TRIQK: variants seen among roughly 807,000 people sequenced by gnomAD.
The protein encoded by TRIQK is triple QxxK/R motif-containing protein.
In TRIQK, 10 loss-of-function variants were observed where a neutral mutation model predicts 10.8. The ratio of observed to expected loss-of-function variants is 0.92; its 90% CI spans 0.57 to 1.57. The LOEUF (loss-of-function observed/expected upper bound fraction) is 1.57, where lower values mean the gene tolerates loss of function less well. Among genes scored for constraint, TRIQK ranks in the 40% most tolerant of loss-of-function variants. The probability of loss-of-function intolerance (pLI) is 0.00; values close to 1 mark genes in which losing one functional copy is unlikely to be tolerated. For missense variants in TRIQK, 107 were observed against 97.7 expected (o/e 1.09, Z -0.40); for synonymous variants, 33 against 33.7 (o/e 0.98, Z 0.07).
chr8:93,009,150 C>G (rs952917765), intron 1 of TRIQK, among the ~76,000 whole-genome samples: 1 of 152,136 alleles, frequency 6.6e-6, no homozygotes, highest in African/African-American at 2.4e-5. Context: ...AACAAATAAT[C>G]TAATTTTAAA....
chr8:93,015,101 C>T (rs947870183), intron 1 of TRIQK, among the ~76,000 whole-genome samples: 9 of 151,576 alleles, frequency 5.9e-5, no homozygotes, highest in Admixed American at 3.9e-4. Context: ...AAAATGTATC[C>T]GGCAATAACA....
chr8:93,011,833 A>G (rs1042021513), intron 1 of TRIQK, among the ~76,000 whole-genome samples: 6 of 152,184 alleles, frequency 3.9e-5, no homozygotes, highest in Admixed American at 3.9e-4. Flanking sequence ...ACCTGATCCA[A>G]GTAAAACAAC....
intron 1 of TRIQK, among the ~76,000 whole-genome samples, chr8:92,987,152 G>C (rs1288389924): frequency 2.0e-5 from 3 of 152,108 alleles, no homozygotes; most frequent in Admixed American, 6.6e-5. Flanking sequence ...ACTAATTAAA[G>C]TGTTTTCTTT....
In TRIQK at chr8:93,007,035, C is replaced by G. The variant is rs906483265; in HGVS notation, c.-181+10574G>C. ...GCTTCATTAAGTGGGTGCCTGATCC[C>G]GTACCTCCTGACTGGGTGAGACCCC... On this transcript the variant is annotated intron_variant, in intron 1 of 4. Coordinates refer to the TRIQK transcript ENST00000520686. Among the ~76,000 whole-genome samples the G allele has an allele frequency of 3.9e-5, 6 of 152,296 alleles. 1 individual carries two copies. The South Asian group carries it at 1.2e-3, about 32-fold the overall frequency.
intron 1 of TRIQK, chr8:92,974,632 A>G (rs1417680234): frequency 6.6e-6 from 1 of 152,242 alleles, no homozygotes; most frequent in Non-Finnish European, 1.5e-5. Flanking sequence ...TAAGGTAGAA[A>G]AGTTGAAGGA....
intron 2 of TRIQK, among the ~76,000 whole-genome samples, chr8:92,924,463 A>T (rs1394176549): frequency 2.6e-5 from 4 of 151,946 alleles, no homozygotes; most frequent in Admixed American, 1.3e-4. Flanking sequence ...GTTTCCAGGA[A>T]TTTACTATGT....
Position 92,885,269 on chromosome 8 carries a change from T to A in TRIQK, c.*1353A>T. ...TGCAAAAGTACCAGAGAATATCTTT[T>A]AGAAACAGTGCTTATAAAGCCCCAT... On this transcript the variant is annotated 3_prime_UTR_variant, in exon 5 of 5. Transcript: ENST00000521988. 1 of 314,346 alleles carries A rather than the reference T, an allele frequency of 3.2e-6. No homozygotes were observed. Among genetic ancestry groups the A allele is most frequent in the South Asian group, 2.9e-5 (1 of 35,084 alleles). 19.5% of individuals were successfully genotyped at this position (314,346 alleles called of 1,614,324 possible).
At chr8:92,910,233 G>A (rs1288989341) in intron 3 of TRIQK, among the ~76,000 whole-genome samples, 1 of 151,196 alleles carries the variant, frequency 6.6e-6, no homozygotes, top group African/African-American at 2.4e-5. Flanking sequence ...ATAGGAGAAA[G>A]TAATCACATT....
chr8:92,987,896 A>G (rs1813053004), intron 1 of TRIQK, among the ~76,000 whole-genome samples: 1 of 151,996 alleles, frequency 6.6e-6, no homozygotes, highest in Non-Finnish European at 1.5e-5. Context: ...AAATACGCAT[A>G]TAGATACAAA....
At chr8:93,010,998 G>A (rs1813326208) in intron 1 of TRIQK, among the ~76,000 whole-genome samples, 1 of 152,052 alleles carries the variant, frequency 6.6e-6, no homozygotes, top group Admixed American at 6.6e-5. Context: ...GCACTTTGAA[G>A]CATGTCAGCT....
intron 2 of TRIQK, among the ~76,000 whole-genome samples, chr8:92,935,610 A>C (rs1461768666): frequency 6.6e-6 from 1 of 151,624 alleles, no homozygotes; most frequent in Non-Finnish European, 1.5e-5. Flanking sequence ...AAAAGCAATA[A>C]ATAATTAAAT....
intron 1 of TRIQK, among the ~76,000 whole-genome samples, chr8:93,010,347 A>C (rs1397300565): frequency 6.6e-6 from 1 of 152,162 alleles, no homozygotes; most frequent in African/African-American, 2.4e-5. Context: ...CAATGTATCT[A>C]TGTATTGAAA....
chr8:92,964,261 G>A (rs973546737), intron 1 of TRIQK, among the ~76,000 whole-genome samples: 1 of 151,906 alleles, frequency 6.6e-6, no homozygotes, highest in Non-Finnish European at 1.5e-5. Context: ...TGTAGGATGA[G>A]GCAAGTGGGA....
In TRIQK at chr8:92,892,052, AG is replaced by A. The variant is rs1210281948; in HGVS notation, c.83del (p.Thr28IlefsTer10). 7 of 1,531,876 alleles carry A rather than the reference AG, an allele frequency of 4.6e-6. No individual in the cohort carries two copies. The highest frequency in any genetic ancestry group is 1.2e-5 in the South Asian group (1 of 83,880). The allele number at this position is 1,531,876 out of a possible 1,614,324, so 94.9% of individuals were successfully genotyped here. A position where few individuals can be genotyped will look rare whatever the true frequency, so the allele number is the denominator to read the frequency against. ...KQIGKQDYKKTKPILRATKLK... is the reference protein window; with the variant it reads ...KQIGKQDYKKXKPILRATKLK... ...ATTTGGTTGCTCGTAAAATAGGTTT[AG>A]TTTTTTTATAATCCTGTTTACCTAG... On this transcript the variant is annotated frameshift_variant, in exon 4 of 5. Transcript: ENST00000521988. LOFTEE classifies it high-confidence loss of function.
At chr8:92,955,864 A>C (rs1812144896) in intron 1 of TRIQK, among the ~76,000 whole-genome samples, 1 of 151,808 alleles carries the variant, frequency 6.6e-6, no homozygotes, top group African/African-American at 2.4e-5. Flanking sequence ...TAAAAACCAC[A>C]ATGAGATACC....
At chr8:92,997,964 T>C (rs927804216) in intron 1 of TRIQK, among the ~76,000 whole-genome samples, 2 of 152,062 alleles carry the variant, frequency 1.3e-5, no homozygotes, top group Admixed American at 6.6e-5. Flanking sequence ...AGAAGTGTTA[T>C]GGTACTCATT....
intron 3 of TRIQK, among the ~76,000 whole-genome samples, chr8:92,898,300 G>A (rs1018192569): frequency 6.6e-6 from 1 of 152,098 alleles, no homozygotes; most frequent in African/African-American, 2.4e-5. Flanking sequence ...ATCTCCAAAT[G>A]AATTTTGCCT....
chr8:92,974,190 C>A (rs1170209947), intron 1 of TRIQK: 2 of 152,272 alleles, frequency 1.3e-5, no homozygotes, highest in Non-Finnish European at 2.9e-5. Context: ...AAGGACATAC[C>A]CAGTAACAAA....
intron 1 of TRIQK, among the ~76,000 whole-genome samples, chr8:93,007,947 A>T (rs1813290326): frequency 6.6e-6 from 1 of 152,232 alleles, no homozygotes; most frequent in Admixed American, 6.5e-5. Flanking sequence ...ACACCATGGA[A>T]TACCATACGG....
Sources: allele counts gnomAD v4.1 joint callset (sites outside exome capture counted in the v4.1 genomes callset), GRCh38; gene constraint gnomAD v4.1.1; transcripts MANE v1.5; gene names NCBI Gene and HGNC (gene_info 2026-07-23, HGNC 2026-07-21).